The following OPCML variants were observed in gnomAD, a reference collection of about 807,000 sequenced individuals.
OPCML encodes the protein opioid-binding protein/cell adhesion molecule.
In OPCML, 13 loss-of-function variants were observed where a neutral mutation model predicts 37.8. The ratio of observed to expected loss-of-function variants is 0.34; its 90% CI spans 0.22 to 0.55. The LOEUF (loss-of-function observed/expected upper bound fraction) is 0.55, where lower values mean the gene tolerates loss of function less well. Among genes scored for constraint, OPCML ranks in the 20% least tolerant of loss-of-function variants. The pLI is 0.91. For missense variants in OPCML, 341 were observed against 435.6 expected (o/e 0.78, Z 1.93); for synonymous variants, 176 against 168.8 (o/e 1.04, Z -0.33).
At chr11:132,760,560 CTTT>C (rs200647564) in intron 2 of OPCML, among the ~76,000 whole-genome samples, 1 of 126,892 alleles carries the variant, frequency 7.9e-6, no homozygotes. Flanking sequence ...TAATGCCCTT[CTTT>C]TTTTTTTTTT....
intron 2 of OPCML, among the ~76,000 whole-genome samples, chr11:132,709,876 C>G (rs183300683): frequency 6.6e-6 from 1 of 152,158 alleles, no homozygotes; most frequent in Admixed American, 6.5e-5. Flanking sequence ...ATTTTTACCC[C>G]CTAATTTAAG....
chr11:133,042,042 G>C lies in OPCML; in HGVS notation c.62-99032C>G, dbSNP rs142687063. 3.3e-3 allele frequency among the ~76,000 whole-genome samples: 502 copies of C among 152,268 alleles called. 2 individuals are homozygous for C. Among genetic ancestry groups the C allele is most frequent in the African/African-American group, 0.012 (491 of 41,556 alleles). On this transcript the variant is annotated intron_variant, in intron 1 of 7. Coordinates refer to ENST00000524381, the MANE Select transcript of OPCML (RefSeq NM_001012393.5). The stretch of plus-strand genomic sequence containing the variant: ...TCACTCAGCATGCCGTGCAGAGCTG[G>C]GGGGTGGGGGGAGCCTGCTTATTCC...
chr11:133,004,870 G>A (rs919219087), intron 1 of OPCML: 8 of 985,432 alleles, frequency 8.1e-6, no homozygotes, highest in Non-Finnish European at 9.6e-6. Flanking sequence ...AAATCAACGA[G>A]CTGTGGTGTC....
chr11:133,375,080 C>T (rs1238935569), intron 1 of OPCML, among the ~76,000 whole-genome samples: 4 of 152,170 alleles, frequency 2.6e-5, no homozygotes, highest in South Asian at 4.1e-4. Flanking sequence ...CTGCAAAGCA[C>T]GTGCTCTCTC....
chr11:132,645,312 T>C (rs1408586748), intron 3 of OPCML, among the ~76,000 whole-genome samples: 3 of 152,258 alleles, frequency 2.0e-5, no homozygotes, highest in African/African-American at 7.2e-5. Flanking sequence ...CTTTTCATGA[T>C]GTGGCTACCA....
chr11:133,529,011 G>C (rs1297259643), intron 1 of OPCML, among the ~76,000 whole-genome samples: 2 of 152,228 alleles, frequency 1.3e-5, no homozygotes, highest in Non-Finnish European at 2.9e-5. Flanking sequence ...TTGGCTGCTG[G>C]CAATGACAAC....
chr11:133,154,807 G>A (rs1950033791), intron 1 of OPCML, among the ~76,000 whole-genome samples: 1 of 152,154 alleles, frequency 6.6e-6, no homozygotes, highest in African/African-American at 2.4e-5. Flanking sequence ...GAATAGCGAG[G>A]AGGATAGTAA....
chr11:132,743,120 G>A (rs1053261015), intron 2 of OPCML, among the ~76,000 whole-genome samples: 1 of 152,138 alleles, frequency 6.6e-6, no homozygotes, highest in Non-Finnish European at 1.5e-5. Context: ...GCATGACAAC[G>A]TCATGCTCGT....
intron 2 of OPCML, among the ~76,000 whole-genome samples, chr11:132,832,700 A>C (rs12283427): frequency 0.21 from 32,281 of 152,196 alleles, 4,225 homozygotes; most frequent in Non-Finnish European, 0.31. Flanking sequence ...GCTGAGATAC[A>C]TTAGATTCCA....
chr11:132,456,634 AC>A (rs2096083612), intron 4 of OPCML, among the ~76,000 whole-genome samples: 1 of 152,140 alleles, frequency 6.6e-6, no homozygotes, highest in Non-Finnish European at 1.5e-5. Context: ...TGGGTACCCA[AC>A]TCTCTTCCAT....
chr11:133,126,096 T>C (rs1301417181), intron 1 of OPCML, among the ~76,000 whole-genome samples: 25 of 147,276 alleles, frequency 1.7e-4, no homozygotes, highest in African/African-American at 6.3e-4. Context: ...CACACACACA[T>C]ATATGAGAGA....
chr11:132,498,891 T>C (rs1174985357), intron 4 of OPCML, among the ~76,000 whole-genome samples: 1 of 151,480 alleles, frequency 6.6e-6, no homozygotes, highest in Non-Finnish European at 1.5e-5. Context: ...AAAATGTGGT[T>C]GCTCCAAATC....
chr11:133,382,044 C>T (rs1344428554), intron 1 of OPCML, among the ~76,000 whole-genome samples: 2 of 152,230 alleles, frequency 1.3e-5, no homozygotes, highest in Non-Finnish European at 2.9e-5. Context: ...GTGCCAGGCT[C>T]TTGCAGGCTG....
At chr11:133,160,109 C>T (rs545949380) in intron 1 of OPCML, among the ~76,000 whole-genome samples, 13 of 152,160 alleles carry the variant, frequency 8.5e-5, no homozygotes, top group Non-Finnish European at 1.8e-4. Context: ...TTCAGAAATT[C>T]GAAAGTATCC....
intron 2 of OPCML, among the ~76,000 whole-genome samples, chr11:132,774,806 G>A (rs1946760138): frequency 6.6e-6 from 1 of 152,154 alleles, no homozygotes; most frequent in South Asian, 2.1e-4. Context: ...CATCAGGGCT[G>A]TGCATACAGT....
chr11:133,328,547 T>C (rs1476983289), intron 1 of OPCML, among the ~76,000 whole-genome samples: 3 of 152,234 alleles, frequency 2.0e-5, no homozygotes, highest in Non-Finnish European at 4.4e-5. Flanking sequence ...GTTTTCATCA[T>C]TATCATTAGA....
intron 2 of OPCML, among the ~76,000 whole-genome samples, chr11:132,936,662 A>T (rs1227091071): frequency 6.6e-6 from 1 of 152,132 alleles, no homozygotes; most frequent in African/African-American, 2.4e-5. Flanking sequence ...CCATACACAG[A>T]TCTAGGCTAG....
intron 2 of OPCML, among the ~76,000 whole-genome samples, chr11:132,751,786 G>C (rs544794367): frequency 6.6e-6 from 1 of 152,272 alleles, no homozygotes; most frequent in African/African-American, 2.4e-5. Context: ...GACCTCCACT[G>C]AACTGCTGTT....
At chr11:133,337,958 G>A (rs1031444346) in intron 1 of OPCML, among the ~76,000 whole-genome samples, 3 of 151,690 alleles carry the variant, frequency 2.0e-5, no homozygotes, top group Non-Finnish European at 2.9e-5. Flanking sequence ...TTCAGCTCCC[G>A]TGCCCAGCCC....
Sources: allele counts gnomAD v4.1 joint callset (sites outside exome capture counted in the v4.1 genomes callset), GRCh38; gene constraint gnomAD v4.1.1; transcripts MANE v1.5; gene names NCBI Gene and HGNC (gene_info 2026-07-23, HGNC 2026-07-21).